C17orf67: variants seen among roughly 807,000 people sequenced by gnomAD.
The protein encoded by C17orf67 is uncharacterized protein C17orf67.
Under a neutral mutation model 11.2 loss-of-function variants are expected in C17orf67, and 12 were observed. The observed-to-expected ratio is 1.07, with a 90% confidence interval of 0.68 to 1.73. C17orf67 has a LOEUF of 1.73. C17orf67 is among the 40% of genes most tolerant of loss of function. The probability of loss-of-function intolerance (pLI) is 0.00; values close to 1 mark genes in which losing one functional copy is unlikely to be tolerated. For missense variants in C17orf67, 115 were observed against 113.5 expected (o/e 1.01, Z -0.06); for synonymous variants, 59 against 46.9 (o/e 1.26, Z -1.05).
chr17:56,833,207 G>A lies in C17orf67; in HGVS notation c.-866C>T, dbSNP rs1008771603. 2 of 153,618 alleles carry A rather than the reference G, an allele frequency of 1.3e-5. No homozygotes were observed. Among genetic ancestry groups the A allele is most frequent in the African/African-American group, 2.4e-5 (1 of 41,486 alleles). The allele number at this position is 153,618 out of a possible 1,614,324, so 9.5% of individuals were successfully genotyped here. On this transcript the variant is annotated 5_prime_UTR_variant, in exon 2 of 8. Coordinates refer to ENST00000397861, the MANE Select transcript of C17orf67 (RefSeq NM_001085430.4). ...GATTCCGTGTTTCTTCGGGGGTGCT[G>A]AGCAGCGGTGCTTCCGCGTCCGCGT...
Position 56,815,764 on chromosome 17 carries a change from ACAGT to A in C17orf67, c.43_46del (p.Thr15SerfsTer9). 2.5e-6 allele frequency: 4 copies of A among 1,610,576 alleles called. No individual in the cohort carries two copies. The highest frequency in any genetic ancestry group is 1.3e-5 in the African/African-American group (1 of 74,996). Reference sequence around the variant, plus strand: ...TTGGAGTCAGTGCCCACCTGAGAAGACAGTCAGTAAGGTAAGAGACAGCACGAGC... The same window carrying A: ...TTGGAGTCAGTGCCCACCTGAGAAGACAGTAAGGTAAGAGACAGCACGAGC... On this transcript the variant is annotated frameshift_variant, in exon 5 of 8. Coordinates refer to ENST00000397861, the MANE Select transcript of C17orf67 (RefSeq NM_001085430.4). LOFTEE classifies it high-confidence loss of function.
intron 6 of C17orf67, among the ~76,000 whole-genome samples, chr17:56,800,576 GTTCT>G (rs1462200618): frequency 1.3e-5 from 2 of 152,256 alleles, no homozygotes; most frequent in African/African-American, 2.4e-5. Flanking sequence ...CATGCTTGCT[GTTCT>G]TTCTAAGGCT....
intron 6 of C17orf67, among the ~76,000 whole-genome samples, chr17:56,798,942 T>C (rs1905262241): frequency 6.6e-6 from 1 of 152,204 alleles, no homozygotes; most frequent in African/African-American, 2.4e-5. Flanking sequence ...GGGGAGCTGA[T>C]ATACACAGAT....
intron 2 of C17orf67, 127 bp downstream of exon 2, chr17:56,832,771 G>A (rs1349667451): frequency 6.6e-6 from 1 of 152,104 alleles, no homozygotes; most frequent in African/African-American, 2.4e-5. Context: ...TATTACAATA[G>A]TATATTATTA....
At chr17:56,806,052 G>C (rs943014135) in intron 6 of C17orf67, among the ~76,000 whole-genome samples, 2 of 130,968 alleles carry the variant, frequency 1.5e-5, no homozygotes, top group Non-Finnish European at 3.1e-5. Context: ...TTGGCTCACT[G>C]CAAGCTCCGC....
chr17:56,810,157 C>CA lies in C17orf67; in HGVS notation c.156+4711_156+4712insT, dbSNP rs975930562. Among the ~76,000 whole-genome samples the CA allele has an allele frequency of 2.5e-4, 30 of 120,922 alleles. No individual in the cohort carries two copies. In the East Asian group the frequency reaches 5.0e-3, roughly 20 times the overall value. The allele number at this position is 120,922 out of a possible 152,430, so 79.3% of individuals were successfully genotyped here. A position where few individuals can be genotyped will look rare whatever the true frequency, so the allele number is the denominator to read the frequency against. On this transcript the variant is annotated intron_variant, in intron 6 of 7. Coordinates refer to ENST00000397861, the MANE Select transcript of C17orf67 (RefSeq NM_001085430.4). ...AGACCCCTCACGCACACCCCTCACA[C>CA]CCCCACCTCACACACACTCCTTGAA...
At chr17:56,811,340 G>C (rs542390291) in intron 6 of C17orf67, among the ~76,000 whole-genome samples, 1 of 152,298 alleles carries the variant, frequency 6.6e-6, no homozygotes, top group South Asian at 2.1e-4. Context: ...AAATGCACTG[G>C]GTGGAATATT....
chr17:56,815,292 G>T (rs1905731774), intron 5 of C17orf67, among the ~76,000 whole-genome samples: 1 of 151,974 alleles, frequency 6.6e-6, no homozygotes, highest in Non-Finnish European at 1.5e-5. Flanking sequence ...TTTCATGGAA[G>T]TTTTTTTTAA....
chr17:56,808,567 TCTGGGTTGAATA>T (rs1905513690), intron 6 of C17orf67, among the ~76,000 whole-genome samples: 1 of 152,176 alleles, frequency 6.6e-6, no homozygotes, highest in Non-Finnish European at 1.5e-5. Context: ...TCCGTGCTCC[TCTGGGTTGAATA>T]CTGGCCCTCC....
intron 2 of C17orf67, among the ~76,000 whole-genome samples, chr17:56,830,194 A>C (rs1160775965): frequency 6.6e-6 from 1 of 152,018 alleles, no homozygotes; most frequent in Non-Finnish European, 1.5e-5. Context: ...ACACAAAAAA[A>C]ATTAGCCGGG....
chr17:56,795,145 G>T lies in C17orf67; in HGVS notation c.192C>A (p.Arg64=). The T allele has an allele frequency of 1.2e-6, 2 of 1,614,180 alleles. No individual in the cohort carries two copies. The highest frequency in any genetic ancestry group is 1.7e-6 in the Non-Finnish European group (2 of 1,180,026). The change falls in exon 7 of 8, where the codon CGC becomes CGA. Residue 64 remains arginine, a synonymous_variant. Coordinates refer to ENST00000397861, the MANE Select transcript of C17orf67 (RefSeq NM_001085430.4). ...AGTGCTCCAGGAACTGCTCCTCAGC[G>T]CGATGCTCCAGGGCGAGCAGGTGGT... ...YMHHLLALEH[R]AEEQFLEHWL... is the part of the protein sequence containing the mutation.
intron 4 of C17orf67, among the ~76,000 whole-genome samples, chr17:56,824,359 C>A (rs1430904535): frequency 6.6e-6 from 1 of 152,162 alleles, no homozygotes; most frequent in East Asian, 1.9e-4. Flanking sequence ...GACTTCCCAG[C>A]CTCCAGAGCT....
intron 6 of C17orf67, among the ~76,000 whole-genome samples, chr17:56,814,484 C>T (rs1384617403): frequency 2.6e-5 from 4 of 152,116 alleles, no homozygotes; most frequent in Non-Finnish European, 5.9e-5. Flanking sequence ...CCTGGACAGA[C>T]CATCATTGAC....
At chr17:56,805,512 T>A (rs1905425108) in intron 6 of C17orf67, among the ~76,000 whole-genome samples, 1 of 152,204 alleles carries the variant, frequency 6.6e-6, no homozygotes, top group Non-Finnish European at 1.5e-5. Context: ...TCCCATGATA[T>A]CTCTACCTTA....
rs147684642 is a variant in C17orf67 at position 56,822,278 on chromosome 17, A to G, written c.-201+2461T>C. ...TGGGTGCTATTGCATCTAAGTTAAT[A>G]ATAGGCTCCTGCCAGAACATTCATT... On this transcript the variant is annotated intron_variant, in intron 4 of 7. Coordinates refer to ENST00000397861, the MANE Select transcript of C17orf67 (RefSeq NM_001085430.4). Among the ~76,000 whole-genome samples, 507 of 152,346 alleles carry G rather than the reference A, an allele frequency of 3.3e-3. 5 individuals carry two copies. The highest frequency in any genetic ancestry group is 1.2e-3 in the Non-Finnish European group (83 of 68,042).
At chr17:56,817,790 G>C (rs1905795207) in intron 4 of C17orf67, among the ~76,000 whole-genome samples, 1 of 152,010 alleles carries the variant, frequency 6.6e-6, no homozygotes, top group Non-Finnish European at 1.5e-5. Context: ...TTGATTTCAT[G>C]CACTCTGCTG....
intron 7 of C17orf67, among the ~76,000 whole-genome samples, chr17:56,794,645 G>C (rs116726369): frequency 0.015 from 2,311 of 152,254 alleles, 39 homozygotes; most frequent in African/African-American, 0.043. Context: ...AGAAGTTGTT[G>C]ATCCTGATGA....
chr17:56,805,056 A>G (rs1193409401), intron 6 of C17orf67, among the ~76,000 whole-genome samples: 2 of 152,194 alleles, frequency 1.3e-5, no homozygotes, highest in East Asian at 1.9e-4. Flanking sequence ...GGTGGTGGGG[A>G]CCCAGAAGTA....
chr17:56,804,824 A>G (rs906745236), intron 6 of C17orf67, among the ~76,000 whole-genome samples: 4 of 152,212 alleles, frequency 2.6e-5, no homozygotes, highest in Admixed American at 6.5e-5. Flanking sequence ...GAATTTCCAC[A>G]GCTCACCCGA....
Sources: allele counts gnomAD v4.1 joint callset (sites outside exome capture counted in the v4.1 genomes callset), GRCh38; gene constraint gnomAD v4.1.1; transcripts MANE v1.5; gene names NCBI Gene and HGNC (gene_info 2026-07-23, HGNC 2026-07-21).